ADGRB3: variants seen among roughly 807,000 people sequenced by gnomAD.
The protein encoded by ADGRB3 is adhesion G protein-coupled receptor B3.
ADGRB3 carries 37 observed loss-of-function variants against 193.4 expected under a neutral mutation model. The ratio of observed to expected loss-of-function variants is 0.19; its 90% confidence interval spans 0.15 to 0.25. The LOEUF is 0.25. ADGRB3 is among the 10% of genes least tolerant of loss of function. ADGRB3 has a pLI of 1.00. For synonymous variants in ADGRB3, 690 were observed against 644.2 expected, an observed-to-expected ratio of 1.07 and a Z score of -1.08; for missense variants, 1,637 against 1,852.9, an observed-to-expected ratio of 0.88 and a Z score of 2.14.
chr6:68,916,259 G>C (rs1766877025), intron 3 of ADGRB3, among the ~76,000 whole-genome samples: 1 of 152,188 alleles, frequency 6.6e-6, no homozygotes, highest in South Asian at 2.1e-4. Context: ...AAATTCTGTA[G>C]ATGGGATAAA....
At position 69,361,010 on chromosome 6, in the gene ADGRB3, C is replaced by G; in HGVS notation, c.3737C>G (p.Ser1246Cys). The G allele has an allele frequency of 6.2e-7, 1 of 1,612,732 alleles. No individual in the cohort carries two copies. The highest frequency in any genetic ancestry group is 8.5e-7 in the Non-Finnish European group (1 of 1,179,154). ...TCAACATTGCCTGGAAATGTCATTT[C>G]CAAAGTCATCATCCAGCAACCCACA... ...SYSTLPGNVI[S>C]KVIIQQPTGL... Residue 1246 changes from serine (S) to cysteine (C), a missense_variant, in exon 29 of 32, where the codon TCC becomes TGC. Around this residue, in one of 7 missense-constraint regions of ADGRB3, gnomAD observed 368 missense variants for 367.4 expected, o/e 1.00. Coordinates refer to ENST00000370598, the MANE Select transcript of ADGRB3 (RefSeq NM_001704.3).
intron 13 of ADGRB3, among the ~76,000 whole-genome samples, chr6:69,045,005 T>G (rs1361261567): frequency 6.6e-6 from 1 of 152,226 alleles, no homozygotes; most frequent in Non-Finnish European, 1.5e-5. Flanking sequence ...TTTATGTCCC[T>G]TTATCAGCAT....
intron 20 of ADGRB3, among the ~76,000 whole-genome samples, chr6:69,247,731 C>T (rs1004356571): frequency 3.9e-5 from 6 of 151,996 alleles, no homozygotes. Context: ...ATTTAAAAAC[C>T]ATTAATACTA....
chr6:69,206,873 C>G (rs1390062964), intron 17 of ADGRB3, among the ~76,000 whole-genome samples: 1 of 152,044 alleles, frequency 6.6e-6, no homozygotes, highest in African/African-American at 2.4e-5. Context: ...GTGGAGTGAC[C>G]CAAACTTTCT....
Position 68,844,983 on chromosome 6 carries a change from A to G in ADGRB3, c.758-85576A>G, listed in dbSNP as rs912188171. ...ACCAGAGTCTGGGAAGGGTAGTGGG[A>G]GGTGGGGAGGGAAGTGGAGATGGCT... On this transcript the variant is annotated intron_variant, in intron 3 of 31. Coordinates refer to ENST00000370598, the MANE Select transcript of ADGRB3 (RefSeq NM_001704.3). 2.1e-4 allele frequency among the ~76,000 whole-genome samples: 32 copies of G among 152,092 alleles called. 1 individual carries two copies.
intron 3 of ADGRB3, among the ~76,000 whole-genome samples, chr6:68,815,307 T>A (rs2127377750): frequency 6.6e-6 from 1 of 152,284 alleles, no homozygotes; most frequent in East Asian, 1.9e-4. Flanking sequence ...ATACTGAATC[T>A]CAAAAGATGG....
chr6:68,867,291 C>T (rs530413212), intron 3 of ADGRB3, among the ~76,000 whole-genome samples: 8 of 152,336 alleles, frequency 5.3e-5, no homozygotes, highest in Admixed American at 5.2e-4. Context: ...GAAGGTACAG[C>T]TCAGGCTGTG....
At chr6:69,004,373 G>A (rs1030419930) in intron 11 of ADGRB3, among the ~76,000 whole-genome samples, 24 of 150,408 alleles carry the variant, frequency 1.6e-4, no homozygotes, top group Non-Finnish European at 3.0e-4. Flanking sequence ...TGCATCCCTG[G>A]TGTCTCTCTG....
chr6:69,194,596 T>C (rs1221909026), intron 17 of ADGRB3, among the ~76,000 whole-genome samples: 1 of 152,144 alleles, frequency 6.6e-6, no homozygotes, highest in African/African-American at 2.4e-5. Context: ...GTTTTCACCA[T>C]TTATATTATG....
chr6:69,182,030 A>G (rs1367801919), intron 17 of ADGRB3, among the ~76,000 whole-genome samples: 1 of 152,192 alleles, frequency 6.6e-6, no homozygotes, highest in Non-Finnish European at 1.5e-5. Context: ...TTGGCTCACC[A>G]GATTTCCCAA....
intron 4 of ADGRB3, among the ~76,000 whole-genome samples, chr6:68,933,629 A>T (rs10214814): frequency 6.6e-6 from 1 of 152,192 alleles, no homozygotes; most frequent in African/African-American, 2.4e-5. Context: ...TAAAATTAAA[A>T]GTACATTTCT....
chr6:68,795,916 T>C (rs1767198437), intron 3 of ADGRB3, among the ~76,000 whole-genome samples: 1 of 152,144 alleles, frequency 6.6e-6, no homozygotes. Flanking sequence ...ATACTTACTG[T>C]GTCTTAATGA....
intron 17 of ADGRB3, among the ~76,000 whole-genome samples, chr6:69,179,931 G>T (rs1447375086): frequency 6.6e-6 from 1 of 152,210 alleles, no homozygotes; most frequent in African/African-American, 2.4e-5. Context: ...TTCATGAAGT[G>T]CACTGTGGTC....
intron 17 of ADGRB3, among the ~76,000 whole-genome samples, chr6:69,160,674 T>C (rs953733900): frequency 1.3e-5 from 2 of 152,146 alleles, no homozygotes; most frequent in Admixed American, 1.3e-4. Context: ...AAAGCAATAA[T>C]TTTTATCTGT....
intron 17 of ADGRB3, among the ~76,000 whole-genome samples, chr6:69,079,274 A>G (rs562250907): frequency 1.3e-5 from 2 of 152,100 alleles, no homozygotes; most frequent in African/African-American, 2.4e-5. Flanking sequence ...CAGATGAAAT[A>G]AATTCAAAGT....
At chr6:69,125,707 T>G (rs1389571315) in intron 17 of ADGRB3, among the ~76,000 whole-genome samples, 1 of 152,230 alleles carries the variant, frequency 6.6e-6, no homozygotes, top group African/African-American at 2.4e-5. Context: ...AGCCAATGTC[T>G]AAAGTAAAGG....
At chr6:68,772,875 AAACAAACAAAAAAAAAAAAATAT>A in intron 3 of ADGRB3, among the ~76,000 whole-genome samples, 1 of 22,548 alleles carries the variant, frequency 4.4e-5, no homozygotes, top group African/African-American at 1.7e-4. Context: ...ACAAACAAAC[AAACAAACAAAAAAAAAAAAATAT>A]ATATATATAT....
intron 15 of ADGRB3, among the ~76,000 whole-genome samples, chr6:69,062,344 A>G (rs1203497495): frequency 2.0e-5 from 3 of 151,866 alleles, no homozygotes; most frequent in African/African-American, 4.8e-5. Context: ...TTTCAGGCAA[A>G]ATGTCTTTCT....
chr6:68,821,859 A>C (rs998117539), intron 3 of ADGRB3, among the ~76,000 whole-genome samples: 4 of 151,838 alleles, frequency 2.6e-5, no homozygotes, highest in African/African-American at 7.3e-5. Context: ...ACCAAATATA[A>C]TACTACTTAA....
Sources: gnomAD v4.1 joint callset for allele counts (sites outside exome capture counted in the v4.1 genomes callset) on GRCh38, gnomAD v4.1.1 for gene constraint, gnomAD v4.1.1 regional missense constraint, MANE v1.5 for transcripts, NCBI Gene and HGNC (gene_info 2026-07-23, HGNC 2026-07-21) for gene names.